The following GHR variants were observed in gnomAD, a reference collection of about 807,000 sequenced individuals.
The protein encoded by GHR is growth hormone receptor, also known as GH receptor.
GHR carries 35 observed loss-of-function variants against 67.1 expected under a neutral mutation model. The observed-to-expected ratio is 0.52, with a 90% CI of 0.40 to 0.69. The LOEUF is 0.69. GHR is among the 30% of genes least tolerant of loss of function. The pLI is 0.00. For synonymous variants in GHR, 272 were observed against 269.1 expected, an observed-to-expected ratio of 1.01 and a Z score of -0.10; for missense variants, 792 against 764.6, an observed-to-expected ratio of 1.04 and a Z score of -0.42.
At chr5:42,672,522 A>T (rs1288510951) in intron 3 of GHR, among the ~76,000 whole-genome samples, 2 of 152,040 alleles carry the variant, frequency 1.3e-5, no homozygotes, top group African/African-American at 2.4e-5. Flanking sequence ...TGGGGAAAGG[A>T]CTCTCTAGTC....
At chr5:42,513,821 A>G (rs928798980) in intron 1 of GHR, among the ~76,000 whole-genome samples, 6 of 152,114 alleles carry the variant, frequency 3.9e-5, no homozygotes, top group African/African-American at 9.6e-5. Context: ...TTAAAACTCA[A>G]ATAAAGAGGT....
intron 1 of GHR, among the ~76,000 whole-genome samples, chr5:42,429,824 A>AT (rs1339031298): frequency 3.3e-5 from 5 of 152,288 alleles, no homozygotes; most frequent in African/African-American, 1.2e-4. Flanking sequence ...ACTATGATGT[A>AT]TTTTTTTCAT....
At chr5:42,593,375 A>G (rs536715890) in intron 2 of GHR, among the ~76,000 whole-genome samples, 1 of 152,342 alleles carries the variant, frequency 6.6e-6, no homozygotes, top group East Asian at 1.9e-4. Flanking sequence ...ACTGTCTCTC[A>G]AAAGTTCTTA....
intron 1 of GHR, among the ~76,000 whole-genome samples, chr5:42,439,622 T>C (rs1017397567): frequency 2.0e-5 from 3 of 152,204 alleles, no homozygotes; most frequent in Non-Finnish European, 2.9e-5. Flanking sequence ...TAGAAGGAGA[T>C]ATATTAGTGT....
intron 1 of GHR, among the ~76,000 whole-genome samples, chr5:42,507,676 A>G (rs556204910): frequency 1.3e-5 from 2 of 152,364 alleles, no homozygotes; most frequent in South Asian, 2.1e-4. Flanking sequence ...CCTAGCTGCC[A>G]TGAGAAGCTA....
chr5:42,612,056 A>G (rs1384655420), intron 2 of GHR, among the ~76,000 whole-genome samples: 1 of 152,188 alleles, frequency 6.6e-6, no homozygotes, highest in East Asian at 1.9e-4. Context: ...CTATGTCTGT[A>G]TCCAGCATAA....
chr5:42,576,100 A>AAAATAAAATAAAATAAAATAAAATAAAAT (rs1396306656), intron 2 of GHR, among the ~76,000 whole-genome samples: 10 of 16,326 alleles, frequency 6.1e-4, no homozygotes, highest in African/African-American at 1.3e-3. Context: ...AAAATAAAAT[A>AAAATAAAATAAAATAAAATAAAATAAAAT]AATAAAATAA....
At chr5:42,594,910 A>G (rs972247700) in intron 2 of GHR, among the ~76,000 whole-genome samples, 1 of 152,170 alleles carries the variant, frequency 6.6e-6, no homozygotes, top group Non-Finnish European at 1.5e-5. Flanking sequence ...TACACTCATG[A>G]AGAATGAGTG....
chr5:42,440,785 A>G (rs1005484095), intron 1 of GHR, among the ~76,000 whole-genome samples: 4 of 152,174 alleles, frequency 2.6e-5, no homozygotes, highest in African/African-American at 9.7e-5. Flanking sequence ...TAATAGATTT[A>G]TAATATATTT....
chr5:42,464,865 C>T (rs1432988516), intron 1 of GHR, among the ~76,000 whole-genome samples: 1 of 152,104 alleles, frequency 6.6e-6, no homozygotes, highest in African/African-American at 2.4e-5. Context: ...ACCCTCTTTC[C>T]AGGTTAGAAG....
chr5:42,709,229 G>A (rs960284465), intron 6 of GHR, among the ~76,000 whole-genome samples: 3 of 152,222 alleles, frequency 2.0e-5, no homozygotes, highest in South Asian at 2.1e-4. Flanking sequence ...CACCTCCAGA[G>A]TTCAAGTGAT....
intron 1 of GHR, chr5:42,548,358 T>A: frequency 1.0e-6 from 1 of 985,324 alleles, no homozygotes; most frequent in Non-Finnish European, 1.2e-6. Flanking sequence ...TTCTGTGGGA[T>A]CCCACCTCCA....
chr5:42,471,376 C>G (rs759492083), intron 1 of GHR, among the ~76,000 whole-genome samples: 1 of 152,122 alleles, frequency 6.6e-6, no homozygotes, highest in Non-Finnish European at 1.5e-5. Flanking sequence ...AATATGAGGA[C>G]TGGAAGGAGA....
In GHR at chr5:42,718,522, G is replaced by A; in HGVS notation, c.1015G>A (p.Asp339Asn). 1.2e-6 allele frequency: 2 copies of A among 1,613,224 alleles called. No homozygotes were observed. Among genetic ancestry groups the A allele is most frequent in the South Asian group, 1.1e-5 (1 of 91,058 alleles). ...HDSYKPEFHS[D>N]DSWVEFIELD... is the part of the protein sequence containing the mutation. Reference sequence around the variant, plus strand: ...TAGCTATAAACCCGAATTCCACAGTGATGACTCTTGGGTTGAATTTATTGA... The same window carrying A: ...TAGCTATAAACCCGAATTCCACAGTAATGACTCTTGGGTTGAATTTATTGA... Residue 339 changes from aspartate (D) to asparagine (N), a missense_variant, in exon 10 of 10, where the codon GAT becomes AAT. Asp to Asn is a conservative substitution (Grantham distance 23). Coordinates refer to ENST00000230882, the MANE Select transcript of GHR (RefSeq NM_000163.5).
chr5:42,711,567 A>C (rs866209853), intron 7 of GHR, among the ~76,000 whole-genome samples, 195 bp downstream of exon 7: 24 of 152,208 alleles, frequency 1.6e-4, no homozygotes, highest in African/African-American at 4.8e-4. Context: ...TAGTTTCCAA[A>C]TTTTTCATTC....
chr5:42,635,672 T>C (rs1040231079), intron 3 of GHR, among the ~76,000 whole-genome samples: 1 of 152,312 alleles, frequency 6.6e-6, no homozygotes, highest in East Asian at 1.9e-4. Context: ...CCCCTTCAAC[T>C]TCAAGCAATT....
At chr5:42,559,370 G>T in intron 1 of GHR, among the ~76,000 whole-genome samples, 1 of 152,244 alleles carries the variant, frequency 6.6e-6, no homozygotes, top group East Asian at 1.9e-4. Flanking sequence ...CCAAGACCTT[G>T]TGTATAAAAT....
At chr5:42,652,971 G>A (rs1243862308) in intron 3 of GHR, among the ~76,000 whole-genome samples, 5 of 152,046 alleles carry the variant, frequency 3.3e-5, no homozygotes, top group Non-Finnish European at 5.9e-5. Context: ...GGACTTCCTG[G>A]GCATGGTGCT....
chr5:42,438,028 G>A (rs1223755373), intron 1 of GHR, among the ~76,000 whole-genome samples: 1 of 152,122 alleles, frequency 6.6e-6, no homozygotes, highest in Non-Finnish European at 1.5e-5. Flanking sequence ...GCTCACTTTA[G>A]TAACTGCTAG....
Sources: gnomAD v4.1 joint callset for allele counts (sites outside exome capture counted in the v4.1 genomes callset) on GRCh38, gnomAD v4.1.1 for gene constraint, MANE v1.5 for transcripts, NCBI Gene and HGNC (gene_info 2026-07-23, HGNC 2026-07-21) for gene names.